MED13L: variants seen among roughly 807,000 people sequenced by gnomAD.
MED13L encodes the protein mediator complex subunit 13L.
A neutral mutation model predicts 220.9 loss-of-function variants in MED13L; 7 were observed. The ratio of observed to expected loss-of-function variants is 0.03; its 90% CI spans 0.02 to 0.06. MED13L has a LOEUF of 0.06. Ranked by LOEUF, MED13L falls within the 10% of genes least tolerant of loss-of-function variation. The probability of loss-of-function intolerance (pLI) is 1.00; values close to 1 mark genes in which losing one functional copy is unlikely to be tolerated. For missense variants in MED13L, 1,965 were observed against 2,760.5 expected (o/e 0.71, Z 6.46); for synonymous variants, 1,011 against 1,015.2 (o/e 1.00, Z 0.08).
chr12:116,265,723 T>C (rs1381694587), intron 1 of MED13L, among the ~76,000 whole-genome samples: 1 of 152,216 alleles, frequency 6.6e-6, no homozygotes, highest in Non-Finnish European at 1.5e-5. Context: ...CTAATAAAAA[T>C]TCAATTTCAA....
intron 3 of MED13L, among the ~76,000 whole-genome samples, chr12:116,098,203 G>A (rs533675087): frequency 2.0e-5 from 3 of 152,012 alleles, no homozygotes; most frequent in Admixed American, 1.3e-4. Flanking sequence ...CTGAGATCAC[G>A]CCATTGCACT....
In MED13L at chr12:115,981,286, TAC is replaced by T. The variant is rs1375858633; in HGVS notation, c.5176-350_5176-349del. On this transcript the variant is annotated intron_variant, in intron 22 of 30. Transcript: ENST00000281928. ...ATTTTATTATATTTCTTTTTATAAT[TAC>T]ACAGTGTGTATGGCATTTTTTGGAA... Among the ~76,000 whole-genome samples, 7 of 152,342 alleles carry T rather than the reference TAC, an allele frequency of 4.6e-5. No individual in the cohort carries two copies. The South Asian group carries it at 1.5e-3, about 32-fold the overall frequency.
At chr12:115,992,255 TA>T (rs1482631731) in intron 16 of MED13L, among the ~76,000 whole-genome samples, 1 of 152,216 alleles carries the variant, frequency 6.6e-6, no homozygotes, top group African/African-American at 2.4e-5. Flanking sequence ...TTACTATTTT[TA>T]TAAGAAAACA....
chr12:116,040,217 CGGCAGTT>C (rs1170893575), intron 4 of MED13L, among the ~76,000 whole-genome samples: 2 of 152,140 alleles, frequency 1.3e-5, no homozygotes, highest in Admixed American at 1.3e-4. Context: ...ACACTTCCAA[CGGCAGTT>C]TAATGAATTT....
At chr12:116,275,321 C>A (rs1873724394) in intron 1 of MED13L, among the ~76,000 whole-genome samples, 1 of 152,028 alleles carries the variant, frequency 6.6e-6, no homozygotes, top group African/African-American at 2.4e-5. Flanking sequence ...ACCAAAAAAT[C>A]AAGGGAAAAT....
intron 2 of MED13L, among the ~76,000 whole-genome samples, chr12:116,130,266 T>C (rs938853471): frequency 6.6e-6 from 1 of 152,204 alleles, no homozygotes; most frequent in Non-Finnish European, 1.5e-5. Flanking sequence ...TAGTTCAGGT[T>C]AAGAATGACT....
Position 116,168,285 on chromosome 12 carries a change from T to C in MED13L, c.311-56773A>G, listed in dbSNP as rs184930322. On this transcript the variant is annotated intron_variant, in intron 2 of 30. Transcript: ENST00000281928. ...TTAAATAGAAGTAACATGCCTTTTA[T>C]TTAACTCCACGAATAGTGTCTTGTG... Among the ~76,000 whole-genome samples the C allele has an allele frequency of 4.7e-3, 721 of 152,166 alleles. 4 individuals carry two copies. Among genetic ancestry groups the C allele is most frequent in the Non-Finnish European group, 7.3e-3 (497 of 68,008 alleles).
chr12:116,152,209 C>T (rs1009386552), intron 2 of MED13L, among the ~76,000 whole-genome samples: 3 of 152,132 alleles, frequency 2.0e-5, no homozygotes, highest in Non-Finnish European at 4.4e-5. Context: ...TCAGTAAATG[C>T]CTGCCAAATC....
chr12:116,166,103 C>G (rs1041309129), intron 2 of MED13L, among the ~76,000 whole-genome samples: 1 of 152,210 alleles, frequency 6.6e-6, no homozygotes, highest in Non-Finnish European at 1.5e-5. Context: ...GTGGCTCATG[C>G]CTGTAATTCC....
Position 115,959,464 on chromosome 12 carries a change from T to A in MED13L, c.*1802A>T, listed in dbSNP as rs1875626735. On this transcript the variant is annotated 3_prime_UTR_variant, in exon 31 of 31. Transcript: ENST00000281928. The stretch of plus-strand genomic sequence containing the variant: ...GTGGTAAAAGATTACAAATATCTAC[T>A]TTACAATTTGTCTTCTCACCAAGAT... The A allele has an allele frequency of 6.6e-6, 1 of 152,616 alleles. No homozygotes were observed. Among genetic ancestry groups the A allele is most frequent in the African/African-American group, 2.4e-5 (1 of 41,462 alleles). The allele number at this position is 152,616 out of a possible 1,614,324, so 9.5% of individuals were successfully genotyped here.
intron 2 of MED13L, among the ~76,000 whole-genome samples, chr12:116,210,551 CTATATATATATATA>C (rs3043762): frequency 2.1e-4 from 24 of 113,640 alleles, no homozygotes; most frequent in South Asian, 1.3e-3. Context: ...AGAACGTAAC[CTATATATATATATA>C]TATATATATA....
At chr12:116,014,999 T>C in intron 8 of MED13L, 110 bp downstream of exon 8, 1 of 1,017,328 alleles carries the variant, frequency 9.8e-7, no homozygotes, top group Non-Finnish European at 1.6e-6. Context: ...ATACCAATGA[T>C]GACCTCTCAA....
rs112611500 is a variant in MED13L at position 116,011,533 on chromosome 12, T to A, written c.1280+1264A>T. On this transcript the variant is annotated intron_variant, in intron 9 of 30. Transcript: ENST00000281928. ...AAAGTTAAATACACTACAGTTTATA[T>A]CCTATGTATGTGCTAAAGGCGGGCC... 8.1e-3 allele frequency among the ~76,000 whole-genome samples: 1,233 copies of A among 152,280 alleles called. 24 individuals carry two copies. Among genetic ancestry groups the A allele is most frequent in the African/African-American group, 0.028 (1,162 of 41,548 alleles).
chr12:115,982,987 CTTTT>C lies in MED13L; in HGVS notation c.4955+126_4955+129del, dbSNP rs1002708146. The C allele has an allele frequency of 1.8e-4, 185 of 1,020,064 alleles. No individual in the cohort carries two copies. The African/African-American group carries it at 2.5e-3, about 14-fold the overall frequency. The allele number at this position is 1,020,064 out of a possible 1,614,324, so 63.2% of individuals were successfully genotyped here. On this transcript the variant is annotated intron_variant, in intron 21 of 30. Coordinates refer to ENST00000281928, the MANE Select transcript of MED13L (RefSeq NM_015335.5). ...GCTTTAGATCGACCATTGCCCCTTT[CTTTT>C]GAGAAGAGAAATAGAGCACTTCATA... is the stretch of plus-strand genomic sequence containing the variant.
intron 2 of MED13L, among the ~76,000 whole-genome samples, chr12:116,132,933 C>T (rs969837222): frequency 3.3e-5 from 5 of 151,124 alleles, no homozygotes; most frequent in Admixed American, 2.0e-4. Context: ...AAAAGGAAGG[C>T]GAAGGGGAGG....
intron 4 of MED13L, among the ~76,000 whole-genome samples, chr12:116,093,586 AT>A (rs1260081279): frequency 1.3e-5 from 2 of 151,942 alleles, no homozygotes; most frequent in East Asian, 3.8e-4. Flanking sequence ...ATTCATCAGT[AT>A]TTTTTCACCA....
In MED13L at chr12:115,984,191, C is replaced by T. The variant is rs774267211; in HGVS notation, c.4520G>A (p.Arg1507His). The T allele has an allele frequency of 3.1e-6, 5 of 1,613,530 alleles. No individual in the cohort carries two copies. Among genetic ancestry groups the T allele is most frequent in the Admixed American group, 1.7e-5 (1 of 59,970 alleles). The change falls in exon 20 of 31, where the codon CGC becomes CAC. Residue 1507 changes from arginine (R) to histidine (H), a missense_variant. By Grantham distance (29) the Arg-to-His change is conservative (BLOSUM62 0). This residue lies in a region of MED13L where 510 missense variants were observed against 620.4 expected (regional missense o/e 0.82). Coordinates refer to ENST00000281928, the MANE Select transcript of MED13L (RefSeq NM_015335.5). ...SRLKLYAQVCRHHLAPYLATL... is the reference protein window; with the variant it reads ...SRLKLYAQVCHHHLAPYLATL... ...AAATTCCCATTTACCTAGGTGATGGCGGCAAACTTGCGCATAAAGTTTGAG... is the reference window on the plus strand; with the variant it reads ...AAATTCCCATTTACCTAGGTGATGGTGGCAAACTTGCGCATAAAGTTTGAG...
intron 23 of MED13L, among the ~76,000 whole-genome samples, chr12:115,977,604 A>AAT (rs1354476052): frequency 6.6e-6 from 1 of 152,224 alleles, no homozygotes; most frequent in Non-Finnish European, 1.5e-5. Context: ...CCATACGATG[A>AAT]AGTATTATTT....
intron 2 of MED13L, among the ~76,000 whole-genome samples, chr12:116,228,947 A>T (rs540567372): frequency 2.6e-5 from 4 of 151,688 alleles, no homozygotes; most frequent in South Asian, 2.1e-4. Flanking sequence ...TCTTTTTTAA[A>T]TTTTTTTTTA....
Sources: gnomAD v4.1 joint callset for allele counts (sites outside exome capture counted in the v4.1 genomes callset) on GRCh38, gnomAD v4.1.1 for gene constraint, gnomAD v4.1.1 regional missense constraint, MANE v1.5 for transcripts, NCBI Gene and HGNC (gene_info 2026-07-23, HGNC 2026-07-21) for gene names.